The following BRINP3 variants were observed in gnomAD, a reference collection of about 807,000 sequenced individuals.
BRINP3 encodes BMP/retinoic acid-inducible neural-specific protein 3.
A neutral mutation model predicts 71.0 loss-of-function variants in BRINP3; 19 were observed. The ratio of observed to expected loss-of-function variants is 0.27; its 90% CI spans 0.19 to 0.39. The LOEUF is 0.39. BRINP3 is among the 10% of genes least tolerant of loss of function. The pLI is 1.00. For missense variants in BRINP3, 959 were observed against 940.8 expected (o/e 1.02, Z -0.25); for synonymous variants, 380 against 337.7 (o/e 1.13, Z -1.37).
chr1:190,355,390 A>G (rs1668664117), intron 2 of BRINP3, among the ~76,000 whole-genome samples: 1 of 151,902 alleles, frequency 6.6e-6, no homozygotes, highest in African/African-American at 2.4e-5. Flanking sequence ...ATGTAAATTA[A>G]CTTCTTTATA....
chr1:190,280,170 T>C (rs943083306), intron 3 of BRINP3, among the ~76,000 whole-genome samples: 3 of 151,844 alleles, frequency 2.0e-5, no homozygotes, highest in Non-Finnish European at 4.4e-5. Context: ...CTGGGCACTA[T>C]TGATGAAAGA....
chr1:190,305,955 A>G (rs1176703712), intron 2 of BRINP3, among the ~76,000 whole-genome samples: 1 of 151,904 alleles, frequency 6.6e-6, no homozygotes, highest in African/African-American at 2.4e-5. Flanking sequence ...AAAATATTTT[A>G]TACTATATGT....
chr1:190,421,194 T>G (rs1426326066), intron 2 of BRINP3, among the ~76,000 whole-genome samples: 2 of 151,570 alleles, frequency 1.3e-5, no homozygotes, highest in African/African-American at 4.8e-5. Context: ...GTCCAATTTC[T>G]TAAGACAAAT....
At chr1:190,249,667 C>T (rs1255843920) in intron 4 of BRINP3, among the ~76,000 whole-genome samples, 3 of 151,630 alleles carry the variant, frequency 2.0e-5, no homozygotes, top group Non-Finnish European at 4.4e-5. Flanking sequence ...AAACTTTAAC[C>T]TACACCAAAT....
chr1:190,277,087 T>TTTTTTATATATATATATATA (rs1290283215), intron 3 of BRINP3, among the ~76,000 whole-genome samples: 1 of 36,006 alleles, frequency 2.8e-5, no homozygotes, highest in Non-Finnish European at 6.7e-5. Flanking sequence ...AATTTTGGTT[T>TTTTTTATATATATATATATA]TATATATATA....
At chr1:190,277,110 TA>T (rs1558137272) in intron 3 of BRINP3, among the ~76,000 whole-genome samples, 8 of 123,474 alleles carry the variant, frequency 6.5e-5, no homozygotes, top group East Asian at 2.5e-4. Context: ...TATATATATA[TA>T]TATATATTTA....
chr1:190,208,373 C>A (rs1406132601), intron 6 of BRINP3, among the ~76,000 whole-genome samples: 1 of 151,942 alleles, frequency 6.6e-6, no homozygotes, highest in Non-Finnish European at 1.5e-5. Flanking sequence ...TTAATGCATG[C>A]AGAGATATTA....
intron 3 of BRINP3, among the ~76,000 whole-genome samples, chr1:190,272,665 T>C (rs2102902867): frequency 6.6e-6 from 1 of 151,562 alleles, no homozygotes; most frequent in African/African-American, 2.4e-5. Context: ...TAATTGTTTC[T>C]AATGGTTTTT....
intron 3 of BRINP3, among the ~76,000 whole-genome samples, chr1:190,266,659 G>T (rs1284144623): frequency 6.6e-6 from 1 of 152,072 alleles, no homozygotes; most frequent in Non-Finnish European, 1.5e-5. Context: ...AAGATCAACA[G>T]GTGAGGAAAT....
At chr1:190,280,545 TAAAAAATTGAC>T (rs1469638754) in intron 3 of BRINP3, among the ~76,000 whole-genome samples, 12 of 151,842 alleles carry the variant, frequency 7.9e-5, no homozygotes. Flanking sequence ...TATTCTGGTG[TAAAAAATTGAC>T]ATGACTTGCT....
intron 2 of BRINP3, among the ~76,000 whole-genome samples, chr1:190,286,001 G>T (rs1186665233): frequency 6.6e-6 from 1 of 152,068 alleles, no homozygotes; most frequent in Non-Finnish European, 1.5e-5. Context: ...CATAACGTTT[G>T]CAAGTCTTTC....
chr1:190,370,412 T>A (rs1669783490), intron 2 of BRINP3, among the ~76,000 whole-genome samples: 3 of 152,116 alleles, frequency 2.0e-5, no homozygotes, highest in Admixed American at 2.0e-4. Flanking sequence ...ATCAAAACTG[T>A]GTCCTGGAGA....
intron 2 of BRINP3, among the ~76,000 whole-genome samples, chr1:190,390,002 C>A (rs1183784194): frequency 1.3e-5 from 2 of 151,714 alleles, no homozygotes; most frequent in Admixed American, 6.6e-5. Context: ...GAACAATAAA[C>A]ACATTTTTGT....
At chr1:190,231,135 T>C (rs974776334) in intron 5 of BRINP3, among the ~76,000 whole-genome samples, 3 of 151,702 alleles carry the variant, frequency 2.0e-5, no homozygotes, top group South Asian at 2.1e-4. Context: ...AAAGCAAATA[T>C]AATCAGCTTT....
chr1:190,197,184 G>T (rs1038659349), intron 6 of BRINP3, among the ~76,000 whole-genome samples: 4 of 150,916 alleles, frequency 2.7e-5, no homozygotes, highest in African/African-American at 9.7e-5. Context: ...AAAACCATCA[G>T]ATCTGATGAG....
intron 6 of BRINP3, among the ~76,000 whole-genome samples, chr1:190,161,233 C>T (rs887748311): frequency 6.6e-6 from 1 of 151,892 alleles, no homozygotes; most frequent in Non-Finnish European, 1.5e-5. Context: ...TTCTTCAATA[C>T]ATAATCATTA....
At chr1:190,348,192 C>A (rs1202792602) in intron 2 of BRINP3, among the ~76,000 whole-genome samples, 2 of 152,086 alleles carry the variant, frequency 1.3e-5, no homozygotes, top group Non-Finnish European at 2.9e-5. Flanking sequence ...AATGACTCCC[C>A]ATGGACCTAA....
Position 190,154,439 on chromosome 1 carries a change from A to G in BRINP3, c.1184+6229T>C, listed in dbSNP as rs1039584544. Among the ~76,000 whole-genome samples, 3 of 152,172 alleles carry G rather than the reference A, an allele frequency of 2.0e-5. No homozygotes were observed. In the East Asian group the frequency reaches 5.8e-4, roughly 29 times the overall value. ...GCAAGATCCTATCAGAAGATGCACA[A>G]AGTCAAAACTATTTTCATAGAAATA... On this transcript the variant is annotated intron_variant, in intron 7 of 7. Transcript: ENST00000367462.
At chr1:190,194,672 G>T (rs1430203066) in intron 6 of BRINP3, among the ~76,000 whole-genome samples, 5 of 151,968 alleles carry the variant, frequency 3.3e-5, no homozygotes, top group Non-Finnish European at 7.4e-5. Flanking sequence ...TGATAGAATT[G>T]GGATAAGCCA....
Sources: allele counts gnomAD v4.1 joint callset (sites outside exome capture counted in the v4.1 genomes callset), GRCh38; gene constraint gnomAD v4.1.1; transcripts MANE v1.5; gene names NCBI Gene and HGNC (gene_info 2026-07-23, HGNC 2026-07-21).